ZNF469: variants seen among roughly 807,000 people sequenced by gnomAD.
ZNF469 encodes zinc finger protein 469.
In ZNF469, 1 loss-of-function variant was observed where a neutral mutation model predicts 1.0. The ratio of observed to expected loss-of-function variants is 1.00; its 90% CI spans 0.35 to 4.73. The LOEUF is 4.73. Ranked by LOEUF, ZNF469 falls within the 30% of genes most tolerant of loss-of-function variation. ZNF469 has a pLI of 0.16. For synonymous variants in ZNF469, 2,703 were observed against 2,363.4 expected (o/e 1.14, Z -4.17); for missense variants, 6,100 against 5,356.3 (o/e 1.14, Z -4.33).
the ZNF469 span, among the ~76,000 whole-genome samples, chr16:88,325,603 G>A: frequency 2.6e-5 from 4 of 152,254 alleles, no homozygotes; most frequent in African/African-American, 9.6e-5. Flanking sequence ...TCCCAGGGTG[G>A]TAGAGCTGGA....
intron 1 of ZNF469, among the ~76,000 whole-genome samples, chr16:88,422,150 GGGTGGATGGGCA>G (rs1344515830): frequency 1.3e-5 from 2 of 151,656 alleles, no homozygotes; most frequent in South Asian, 4.2e-4. Context: ...GTGAACGGGT[GGGTGGATGGGCA>G]GGTGGATGGG....
the ZNF469 span, among the ~76,000 whole-genome samples, chr16:88,340,832 A>G: frequency 0.22 from 32,984 of 151,310 alleles, 4,617 homozygotes; most frequent in African/African-American, 0.4. Flanking sequence ...CAGAGGTGTC[A>G]GGCAGAGCCA....
chr16:88,319,334 G>T, the ZNF469 span, among the ~76,000 whole-genome samples: 1 of 152,184 alleles, frequency 6.6e-6, no homozygotes, highest in Non-Finnish European at 1.5e-5. Context: ...TGACTGAGCC[G>T]AAGGGGGCTC....
Position 88,430,927 on chromosome 16 carries a change from G to T in ZNF469, c.3457G>T (p.Ala1153Ser). The change falls in exon 3 of 3, where the codon GCG (alanine) becomes TCG (serine). Residue 1153 changes from alanine (A) to serine (S), a missense_variant. Transcript: ENST00000565624. ...GGAAGCCGGCGGGGACGGAGCCCCC[G>T]CGAACCCCGAGGAGCCGGGCGGGTC... is the stretch of plus-strand genomic sequence containing the variant. ...RQEAGGDGAP[A>S]NPEEPGGSRP... 1 of 1,536,372 alleles carries T rather than the reference G, an allele frequency of 6.5e-7. No individual in the cohort carries two copies. The highest frequency in any genetic ancestry group is 8.7e-7 in the Non-Finnish European group (1 of 1,145,428).
chr16:88,366,858 C>A, the ZNF469 span, among the ~76,000 whole-genome samples: 1 of 151,500 alleles, frequency 6.6e-6, no homozygotes, highest in Non-Finnish European at 1.5e-5. Flanking sequence ...CACTACCACA[C>A]CATCAACACC....
the ZNF469 span, among the ~76,000 whole-genome samples, chr16:88,123,856 T>C: frequency 1.3e-5 from 2 of 152,122 alleles, no homozygotes; most frequent in Non-Finnish European, 2.9e-5. Context: ...CAGGCTGGAG[T>C]GCAATGGAGC....
At chr16:88,305,296 G>A in the ZNF469 span, among the ~76,000 whole-genome samples, 12 of 107,474 alleles carry the variant, frequency 1.1e-4, no homozygotes, top group South Asian at 7.0e-4. Context: ...ACACACACAC[G>A]CACACCCTCA....
chr16:88,364,604 G>T, the ZNF469 span, among the ~76,000 whole-genome samples: 1 of 150,500 alleles, frequency 6.6e-6, no homozygotes, highest in African/African-American at 2.4e-5. Context: ...TCCAGTCCAT[G>T]AATATGGCCC....
At position 88,434,878 on chromosome 16, in the gene ZNF469, G is replaced by A; in HGVS notation, c.7408G>A (p.Gly2470Arg). Reference sequence around the variant, plus strand: ...CCAGTGGAAGGGCCAAGCTCCACATGGGCCTGTGACCTGTGAGGTCTGCGC... The same window carrying A: ...CCAGTGGAAGGGCCAAGCTCCACATAGGCCTGTGACCTGTGAGGTCTGCGC... Reference protein sequence around the residue: ...NGQWKGQAPHGPVTCEVCAAS... With the variant: ...NGQWKGQAPHRPVTCEVCAAS... The change falls in exon 3 of 3, where the codon GGG (glycine) becomes AGG (arginine). Residue 2470 changes from glycine (G) to arginine (R), a missense_variant. Physicochemically the swap from Gly to Arg is moderately radical, Grantham distance 125 (BLOSUM62 -2). Coordinates refer to ENST00000565624, the MANE Select transcript of ZNF469 (RefSeq NM_001367624.2). 1 of 1,550,358 alleles carries A rather than the reference G, an allele frequency of 6.5e-7. No individual in the cohort carries two copies. Among genetic ancestry groups the A allele is most frequent in the Non-Finnish European group, 8.7e-7 (1 of 1,146,992 alleles).
the ZNF469 span, among the ~76,000 whole-genome samples, chr16:88,188,910 C>A: frequency 6.6e-6 from 1 of 152,086 alleles, no homozygotes; most frequent in East Asian, 1.9e-4. Context: ...GTGTCACTAC[C>A]TGCTTCTGCA....
the ZNF469 span, among the ~76,000 whole-genome samples, chr16:88,164,098 G>A: frequency 6.6e-6 from 1 of 151,338 alleles, no homozygotes; most frequent in Non-Finnish European, 1.5e-5. Flanking sequence ...GATGAACGGG[G>A]TCAGTGGATG....
chr16:88,130,983 CGAGGGGCGT>C, the ZNF469 span, among the ~76,000 whole-genome samples: 1 of 152,174 alleles, frequency 6.6e-6, no homozygotes, highest in Non-Finnish European at 1.5e-5. Flanking sequence ...GACGGGGGTG[CGAGGGGCGT>C]GTGCTTCTCC....
chr16:88,239,544 G>A, the ZNF469 span, among the ~76,000 whole-genome samples: 6 of 148,598 alleles, frequency 4.0e-5, no homozygotes, highest in African/African-American at 1.5e-4. Flanking sequence ...CTGGGGTGCA[G>A]TGGCGCGATC....
chr16:88,380,842 A>T (rs1331726189), upstream of ZNF469, among the ~76,000 whole-genome samples: 1 of 148,930 alleles, frequency 6.7e-6, no homozygotes, highest in East Asian at 2.0e-4. Context: ...GCACTCACAC[A>T]GACATGCACT....
chr16:88,407,697 C>T (rs915850763), intron 1 of ZNF469, among the ~76,000 whole-genome samples: 2 of 152,198 alleles, frequency 1.3e-5, no homozygotes, highest in Non-Finnish European at 2.9e-5. Context: ...TGGTTCCTAG[C>T]CCCCAAGTCC....
chr16:88,325,160 CAT>C, the ZNF469 span, among the ~76,000 whole-genome samples: 266 of 113,664 alleles, frequency 2.3e-3, no homozygotes, highest in African/African-American at 8.0e-3. Flanking sequence ...GCAGCTGCGA[CAT>C]ACACAGGGCC....
At chr16:88,145,866 G>A in the ZNF469 span, among the ~76,000 whole-genome samples, 1 of 152,386 alleles carries the variant, frequency 6.6e-6, no homozygotes, top group South Asian at 2.1e-4. Context: ...GGTGGCAGAT[G>A]TGGGGTGATG....
At chr16:88,251,542 T>C in the ZNF469 span, among the ~76,000 whole-genome samples, 1 of 20,528 alleles carries the variant, frequency 4.9e-5, no homozygotes, top group African/African-American at 1.6e-4. Context: ...TGCTGTCTTT[T>C]TTTTTTTTTT....
the ZNF469 span, among the ~76,000 whole-genome samples, chr16:88,266,229 G>T: frequency 6.6e-6 from 1 of 152,202 alleles, no homozygotes; most frequent in Non-Finnish European, 1.5e-5. Context: ...CTGGGAGGCC[G>T]GGTTCACGCT....
Sources: gnomAD v4.1 joint callset for allele counts (sites outside exome capture counted in the v4.1 genomes callset) on GRCh38, gnomAD v4.1.1 for gene constraint, MANE v1.5 for transcripts, NCBI Gene and HGNC (gene_info 2026-07-23, HGNC 2026-07-21) for gene names.